The following TAF1 variants were observed in gnomAD, a reference collection of about 807,000 sequenced individuals.
The protein encoded by TAF1 is transcription initiation factor TFIID subunit 1.
TAF1 carries 2 observed loss-of-function variants against 138.5 expected under a neutral mutation model. The observed-to-expected ratio is 0.01, with a 90% CI of 0.01 to 0.05. TAF1 has a LOEUF of 0.05. Among genes scored for constraint, TAF1 ranks in the 10% least tolerant of loss-of-function variants. TAF1 has a pLI of 1.00. For missense variants in TAF1, 709 were observed against 1,478.0 expected (o/e 0.48, Z 8.53); for synonymous variants, 437 against 503.2 (o/e 0.87, Z 1.76).
chrX:71,488,869 C>A (rs1163243547), intron 13 of TAF1, among the ~76,000 whole-genome samples: 1 of 109,615 alleles, frequency 9.1e-6, no homozygotes, highest in Non-Finnish European at 1.9e-5. Context: ...GAGTTCGAGA[C>A]CAGCCTGGCC....
At chrX:71,485,850 TGAA>T (rs1160056715) in intron 13 of TAF1, among the ~76,000 whole-genome samples, 1 of 111,803 alleles carries the variant, frequency 8.9e-6, no homozygotes, top group Non-Finnish European at 1.9e-5. Flanking sequence ...TTAATTTTGA[TGAA>T]GTTCAATTGA....
At chrX:71,463,128 T>TA (rs913618885) in intron 37 of TAF1, among the ~76,000 whole-genome samples, 5 of 111,429 alleles carry the variant, frequency 4.5e-5, no homozygotes, top group Admixed American at 9.6e-5. Flanking sequence ...TTTTGTAAAT[T>TA]AAAAAAAATG....
chrX:71,386,161 CAAAAA>C (rs746090192), intron 14 of TAF1, among the ~76,000 whole-genome samples: 1 of 67,998 alleles, frequency 1.5e-5, no homozygotes, highest in African/African-American at 5.3e-5. Context: ...AACTCCATCT[CAAAAA>C]AAAAAAAAAA....
rs1555986704 is a variant in TAF1, at chrX:71,420,627, G to T, written c.4385-682G>T. Reference sequence around the variant, plus strand: ...GCTTCTTCCTCCATCTCCCTAACTCGAGCTTTGATAGCTTCCAGCTCCGGA... The same window carrying T: ...GCTTCTTCCTCCATCTCCCTAACTCTAGCTTTGATAGCTTCCAGCTCCGGA... On this transcript the variant is annotated intron_variant, in intron 28 of 37. Transcript: ENST00000423759. The T allele has an allele frequency of 6.6e-6, 8 of 1,205,036 alleles. No individual in the cohort carries two copies. The East Asian group carries it at 2.4e-4, about 36-fold the overall frequency.
intron 8 of TAF1, among the ~76,000 whole-genome samples, chrX:71,379,728 G>T (rs1467299932): frequency 3.7e-5 from 4 of 107,063 alleles, no homozygotes; most frequent in Non-Finnish European, 7.7e-5. Context: ...TCAGCCTCCC[G>T]GGTAGCTGGG....
chrX:71,375,788 G>A (rs1370448666), intron 4 of TAF1, among the ~76,000 whole-genome samples: 1 of 112,286 alleles, frequency 8.9e-6, no homozygotes, highest in African/African-American at 3.2e-5. Flanking sequence ...GACCTCAAGT[G>A]ATCCGCTCGC....
rs546116084 is a variant in TAF1 at position 71,477,731 on chromosome X, C to T, written c.1366+16928C>T. Among the ~76,000 whole-genome samples, 10 of 112,286 alleles carry T rather than the reference C, an allele frequency of 8.9e-5. No homozygotes were observed. The South Asian group carries it at 2.2e-3, about 25-fold the overall frequency. The stretch of plus-strand genomic sequence containing the variant: ...TTTTGAAGCCGGGCACGGTGGCATA[C>T]GCCTGTAATTCCAGCACTTTGGGAG... On this transcript the variant is annotated intron_variant and NMD_transcript_variant, in intron 13 of 14. Coordinates refer to the TAF1 transcript ENST00000373775.
intron 14 of TAF1, chrX:71,529,699 T>C: frequency 3.0e-6 from 1 of 332,319 alleles, no homozygotes; most frequent in Non-Finnish European, 5.9e-6. Context: ...CTTTACTTTG[T>C]TCTTTGTATG....
At chrX:71,391,343 A>G (rs751937734) in intron 18 of TAF1, among the ~76,000 whole-genome samples, 1 of 111,229 alleles carries the variant, frequency 9.0e-6, no homozygotes, top group Non-Finnish European at 1.9e-5. Flanking sequence ...TACTCTCTTG[A>G]GGTTGGAATG....
intron 32 of TAF1, among the ~76,000 whole-genome samples, chrX:71,446,149 G>GACC (rs1320990931): frequency 9.0e-6 from 1 of 111,065 alleles, no homozygotes; most frequent in African/African-American, 3.3e-5. Flanking sequence ...GACCTCAGGT[G>GACC]ACCCACCTGC....
intron 13 of TAF1, among the ~76,000 whole-genome samples, chrX:71,496,045 G>A (rs900671780): frequency 8.9e-6 from 1 of 112,310 alleles, no homozygotes; most frequent in African/African-American, 3.2e-5. Context: ...TTTAAGGTTT[G>A]GCTGAGTGCA....
intron 18 of TAF1, among the ~76,000 whole-genome samples, chrX:71,391,221 A>G (rs1343683203): frequency 1.8e-5 from 2 of 111,551 alleles, no homozygotes; most frequent in African/African-American, 6.5e-5. Flanking sequence ...AAAAAGTAGT[A>G]TGGAGGAGTA....
intron 3 of TAF1, among the ~76,000 whole-genome samples, chrX:71,369,845 C>T (rs1454788172): frequency 9.3e-6 from 1 of 107,826 alleles, no homozygotes; most frequent in African/African-American, 3.4e-5. Flanking sequence ...GATATCCTGA[C>T]CTCGTGATCC....
chrX:71,435,143 G>A (rs1412428722), intron 32 of TAF1, among the ~76,000 whole-genome samples: 1 of 112,012 alleles, frequency 8.9e-6, no homozygotes, highest in Admixed American at 9.5e-5. Flanking sequence ...GCCATCTTTG[G>A]GATGGACATA....
intron 32 of TAF1, among the ~76,000 whole-genome samples, chrX:71,450,479 A>G (rs1372554431): frequency 8.9e-6 from 1 of 112,635 alleles, no homozygotes; most frequent in Non-Finnish European, 1.9e-5. Flanking sequence ...CTGAGATTAC[A>G]GGCTTGAGCC....
chrX:71,463,501 C>T (rs1387580372), intron 37 of TAF1, among the ~76,000 whole-genome samples: 1 of 111,094 alleles, frequency 9.0e-6, no homozygotes, highest in Non-Finnish European at 1.9e-5. Flanking sequence ...AGAGAATCTT[C>T]AGGACTATTG....
chrX:71,399,793 G>A (rs1367754542), intron 24 of TAF1, among the ~76,000 whole-genome samples: 1 of 109,566 alleles, frequency 9.1e-6, no homozygotes, highest in Non-Finnish European at 1.9e-5. Flanking sequence ...GTGCAGTGGC[G>A]CCATCTCAGC....
At chrX:71,491,045 T>TGTTG (rs1209275474) in intron 13 of TAF1, 2 of 89,434 alleles carry the variant, frequency 2.2e-5, no homozygotes, top group African/African-American at 8.6e-5. Context: ...TTGTTGTTGT[T>TGTTG]TTTTTTTTTT....
chrX:71,454,689 T>A, intron 33 of TAF1, 52 bp from the exon 34 acceptor site: 1 of 1,064,889 alleles, frequency 9.4e-7, no homozygotes, highest in East Asian at 3.0e-5. Context: ...TACTTTTGTA[T>A]CCCCAGTACT....
Sources: allele counts gnomAD v4.1 joint callset (sites outside exome capture counted in the v4.1 genomes callset), GRCh38; gene constraint gnomAD v4.1.1; transcripts MANE v1.5; gene names NCBI Gene and HGNC (gene_info 2026-07-23, HGNC 2026-07-21).